Variants in CFAP251 observed in about 807,000 individuals in gnomAD.
The protein encoded by CFAP251 is cilia- and flagella-associated protein 251.
A neutral mutation model predicts 126.7 loss-of-function variants in CFAP251; 93 were observed. The ratio of observed to expected loss-of-function variants is 0.73; its 90% CI spans 0.62 to 0.87. The LOEUF (loss-of-function observed/expected upper bound fraction) is 0.87, where lower values mean the gene tolerates loss of function less well. CFAP251 is among the 40% of genes least tolerant of loss of function. The probability of loss-of-function intolerance (pLI) is 0.00; values close to 1 mark genes in which losing one functional copy is unlikely to be tolerated. For synonymous variants in CFAP251, 503 were observed against 506.9 expected (o/e 0.99, Z 0.10); for missense variants, 1,287 against 1,389.2 (o/e 0.93, Z 1.17).
intron 3 of CFAP251, among the ~76,000 whole-genome samples, chr12:121,929,334 AG>A (rs1880583914): frequency 6.6e-6 from 1 of 151,402 alleles, no homozygotes. Flanking sequence ...AAAAAAAAAA[AG>A]AAAAAAGAAA....
chr12:121,950,309 G>A (rs1881474961), intron 8 of CFAP251: 1 of 152,206 alleles, frequency 6.6e-6, no homozygotes, highest in African/African-American at 2.4e-5. Flanking sequence ...TTCAAGGCCT[G>A]GAGAGAGACG....
rs1268596737 is a variant in CFAP251 at position 121,934,371 on chromosome 12, G to T, written c.998+15G>T. 1.3e-6 allele frequency: 2 copies of T among 1,591,894 alleles called. No individual in the cohort carries two copies. Among genetic ancestry groups the T allele is most frequent in the African/African-American group, 1.3e-5 (1 of 74,396 alleles). On this transcript the variant is annotated intron_variant, in intron 5 of 21. Transcript: ENST00000288912. ...TCCTTCACAGGGTAGGCTTTGTGTA[G>T]CCACTTCTTTTTTCCCTGAATTTCT...
chr12:121,938,781 G>A (rs1191817550), intron 5 of CFAP251, among the ~76,000 whole-genome samples: 4 of 150,378 alleles, frequency 2.7e-5, no homozygotes, highest in African/African-American at 9.8e-5. Context: ...TCAGGCATTC[G>A]AGACCAGCCT....
At chr12:121,986,372 A>C (rs1404854610) in intron 19 of CFAP251, among the ~76,000 whole-genome samples, 1 of 146,880 alleles carries the variant, frequency 6.8e-6, no homozygotes, top group Non-Finnish European at 1.5e-5. Flanking sequence ...ATCTCAGCTC[A>C]CTGCAAGCTC....
At chr12:121,965,257 A>C (rs76295826) in intron 15 of CFAP251, among the ~76,000 whole-genome samples, 3,687 of 152,334 alleles carry the variant, frequency 0.024, 134 homozygotes, top group African/African-American at 0.084. Flanking sequence ...TTCACCAATC[A>C]GATTAGCAAA....
At chr12:121,954,407 G>A in intron 10 of CFAP251, 73 bp downstream of exon 10, 1 of 1,352,468 alleles carries the variant, frequency 7.4e-7, no homozygotes, top group South Asian at 1.4e-5. Context: ...GGGAGGTTGG[G>A]CACAGTGGCT....
intron 19 of CFAP251, among the ~76,000 whole-genome samples, chr12:121,987,983 A>T (rs190091531): frequency 1.4e-3 from 218 of 151,822 alleles, no homozygotes; most frequent in Non-Finnish European, 2.4e-3. Flanking sequence ...TTTTATTATT[A>T]TTTTTCTTTA....
intron 19 of CFAP251, chr12:121,997,951 G>C (rs1467193114): frequency 6.6e-6 from 1 of 151,730 alleles, no homozygotes; most frequent in Non-Finnish European, 1.5e-5. Context: ...GATTTTCACC[G>C]TGTTGGCCAG....
chr12:121,922,816 G>A (rs1407945336), intron 2 of CFAP251, among the ~76,000 whole-genome samples: 4 of 152,100 alleles, frequency 2.6e-5, no homozygotes, highest in African/African-American at 9.7e-5. Context: ...TTGAGACGGA[G>A]TCTCGCTCTG....
chr12:121,971,312 AG>A (rs1313311674), intron 17 of CFAP251, among the ~76,000 whole-genome samples: 1 of 152,148 alleles, frequency 6.6e-6, no homozygotes, highest in Non-Finnish European at 1.5e-5. Flanking sequence ...GTCTTGCTGG[AG>A]GGGCCCTCAG....
chr12:121,971,155 G>T (rs144031880), intron 17 of CFAP251, among the ~76,000 whole-genome samples: 2,409 of 152,352 alleles, frequency 0.016, 24 homozygotes, highest in Middle Eastern at 0.031. Flanking sequence ...GGCTAAAAGT[G>T]GCCTTGCTGC....
At chr12:121,919,980 A>G (rs1880090492) in intron 1 of CFAP251, among the ~76,000 whole-genome samples, 1 of 151,968 alleles carries the variant, frequency 6.6e-6, no homozygotes, top group South Asian at 2.1e-4. Flanking sequence ...TCAGGAGTTT[A>G]AGACCAGACT....
chr12:121,976,302 C>G (rs1043454598), intron 19 of CFAP251, among the ~76,000 whole-genome samples: 1 of 152,142 alleles, frequency 6.6e-6, no homozygotes, highest in African/African-American at 2.4e-5. Context: ...AGCGACCACT[C>G]CCGGCCAGCC....
intron 21 of CFAP251, chr12:122,001,878 AC>A (rs1030600300): frequency 9.1e-6 from 4 of 440,092 alleles, no homozygotes; most frequent in African/African-American, 7.9e-5. Context: ...AATATTGGCC[AC>A]CCGTAGAGGA....
intron 3 of CFAP251, among the ~76,000 whole-genome samples, chr12:121,930,045 T>C (rs1880617270): frequency 6.6e-6 from 1 of 152,206 alleles, no homozygotes; most frequent in African/African-American, 2.4e-5. Flanking sequence ...TCATGTAATA[T>C]GCAGTCTTTT....
intron 10 of CFAP251, chr12:121,955,774 TAGG>T (rs893630429): frequency 1.3e-5 from 2 of 152,182 alleles, no homozygotes; most frequent in African/African-American, 4.8e-5. Flanking sequence ...AGCGAGAAGA[TAGG>T]AGAACTGCAG....
chr12:121,920,979 G>A (rs1249367957), intron 1 of CFAP251, among the ~76,000 whole-genome samples: 3 of 151,948 alleles, frequency 2.0e-5, no homozygotes, highest in Non-Finnish European at 2.9e-5. Flanking sequence ...CTCCCAAGTA[G>A]CTGGGATTAC....
At chr12:121,933,076 T>C (rs1346328155) in intron 4 of CFAP251, 2 of 152,230 alleles carry the variant, frequency 1.3e-5, no homozygotes, top group African/African-American at 4.8e-5. Flanking sequence ...ACAAAACAGA[T>C]GTATTCCCTG....
intron 8 of CFAP251, chr12:121,950,750 G>T (rs1881490935): frequency 6.6e-6 from 1 of 151,256 alleles, no homozygotes; most frequent in South Asian, 2.1e-4. Flanking sequence ...TAGAGACGGG[G>T]TTTCTCCATG....
Sources: allele counts gnomAD v4.1 joint callset (sites outside exome capture counted in the v4.1 genomes callset), GRCh38; gene constraint gnomAD v4.1.1; transcripts MANE v1.5; gene names NCBI Gene and HGNC (gene_info 2026-07-23, HGNC 2026-07-21).